CAMKMT: variants seen among roughly 807,000 people sequenced by gnomAD.
CAMKMT encodes calmodulin-lysine N-methyltransferase.
In CAMKMT, 53 loss-of-function variants were observed where a neutral mutation model predicts 48.0. That is an observed-to-expected ratio of 1.10 (90% confidence interval 0.89 to 1.39). The LOEUF (loss-of-function observed/expected upper bound fraction) is 1.39. CAMKMT is among the 40% of genes most tolerant of loss of function. The pLI, the probability that CAMKMT is intolerant of heterozygous loss-of-function variation, is 0.00. For synonymous variants in CAMKMT, 165 were observed against 152.3 expected (o/e 1.08, Z -0.61); for missense variants, 428 against 402.7 (o/e 1.06, Z -0.54).
In CAMKMT at chr2:44,388,528, T is replaced by G. The variant is rs568294466; in HGVS notation, c.312-1713T>G. Reference sequence around the variant, plus strand: ...AGGTAAATCAGGGATTTCTTCTTGGTCCGGATCCGTTGCTGGTTAACTAGT... The same window carrying G: ...AGGTAAATCAGGGATTTCTTCTTGGGCCGGATCCGTTGCTGGTTAACTAGT... On this transcript the variant is annotated intron_variant, in intron 2 of 10. Transcript: ENST00000378494. Among the ~76,000 whole-genome samples the G allele has an allele frequency of 3.7e-3, 565 of 152,294 alleles. 2 individuals are homozygous for G. Among genetic ancestry groups the G allele is most frequent in the African/African-American group, 0.013 (539 of 41,570 alleles).
At chr2:44,733,567 T>C (rs1193511063) in intron 7 of CAMKMT, among the ~76,000 whole-genome samples, 1 of 152,186 alleles carries the variant, frequency 6.6e-6, no homozygotes, top group Non-Finnish European at 1.5e-5. Context: ...TGATGTTAAC[T>C]ATAGGTTTTT....
intron 3 of CAMKMT, among the ~76,000 whole-genome samples, chr2:44,666,054 C>T (rs1674948601): frequency 6.6e-6 from 1 of 152,152 alleles, no homozygotes; most frequent in Non-Finnish European, 1.5e-5. Flanking sequence ...GATTTTAAAT[C>T]GTTTGCATTG....
At chr2:44,708,211 A>T (rs200564955) in intron 6 of CAMKMT, among the ~76,000 whole-genome samples, 37 of 68,188 alleles carry the variant, frequency 5.4e-4, no homozygotes, top group East Asian at 1.6e-3. Context: ...TTTGCTTTGG[A>T]TTTTTTTTTT....
intron 3 of CAMKMT, among the ~76,000 whole-genome samples, chr2:44,449,983 T>A (rs746959864): frequency 1.3e-5 from 2 of 152,284 alleles, no homozygotes; most frequent in Admixed American, 1.3e-4. Flanking sequence ...AAATCCATGA[T>A]AATCCAGAGA....
chr2:44,624,078 G>C (rs1395673645), intron 3 of CAMKMT, among the ~76,000 whole-genome samples: 1 of 152,100 alleles, frequency 6.6e-6, no homozygotes, highest in East Asian at 1.9e-4. Flanking sequence ...AAATTGGCAA[G>C]TGGGACCTAA....
chr2:44,516,441 G>A (rs1406224532), intron 3 of CAMKMT, among the ~76,000 whole-genome samples: 2 of 152,086 alleles, frequency 1.3e-5, no homozygotes, highest in Non-Finnish European at 2.9e-5. Context: ...TGTCTTTACT[G>A]CCTAGTGAAT....
intron 3 of CAMKMT, among the ~76,000 whole-genome samples, chr2:44,642,121 AT>A (rs958339208): frequency 2.0e-5 from 3 of 152,260 alleles, no homozygotes; most frequent in South Asian, 2.1e-4. Flanking sequence ...GCTATTTTAT[AT>A]TTTTTCTGCC....
intron 3 of CAMKMT, among the ~76,000 whole-genome samples, chr2:44,507,114 A>G (rs1449497708): frequency 1.3e-5 from 2 of 151,818 alleles, no homozygotes; most frequent in East Asian, 3.8e-4. Flanking sequence ...AGAAAGGAAT[A>G]GAAAAATTGA....
In CAMKMT at chr2:44,706,276, C is replaced by T. The variant is rs757590096; in HGVS notation, c.438-11C>T. 1.2e-6 allele frequency: 2 copies of T among 1,613,174 alleles called. No individual in the cohort carries two copies. The highest frequency in any genetic ancestry group is 2.7e-5 in the African/African-American group (2 of 74,974). On this transcript the variant is annotated splice_polypyrimidine_tract_variant and intron_variant, in intron 4 of 10. Transcript: ENST00000378494. ...TTGTATGGGTTCTACCATTTCTTTT[C>T]TCTCTTTCAGGGCCCTTGCTGTGTG...
At chr2:44,470,817 C>T (rs1449636784) in intron 3 of CAMKMT, among the ~76,000 whole-genome samples, 2 of 151,990 alleles carry the variant, frequency 1.3e-5, no homozygotes, top group Non-Finnish European at 2.9e-5. Flanking sequence ...ATGAGATTAA[C>T]CACTTTTCAT....
At chr2:44,628,629 C>G (rs1672631276) in intron 3 of CAMKMT, among the ~76,000 whole-genome samples, 1 of 151,848 alleles carries the variant, frequency 6.6e-6, no homozygotes, top group South Asian at 2.1e-4. Flanking sequence ...GATCCACCTG[C>G]CTCAGTCAAA....
At chr2:44,572,636 G>T (rs1668975801) in intron 3 of CAMKMT, among the ~76,000 whole-genome samples, 3 of 152,046 alleles carry the variant, frequency 2.0e-5, no homozygotes, top group Admixed American at 2.0e-4. Context: ...TTAATTTTTT[G>T]GGGTCTATCT....
At chr2:44,671,861 G>T (rs1402887485) in intron 3 of CAMKMT, among the ~76,000 whole-genome samples, 1 of 152,020 alleles carries the variant, frequency 6.6e-6, no homozygotes, top group Non-Finnish European at 1.5e-5. Flanking sequence ...CCAAGACAAA[G>T]GGCAGTTCCC....
In CAMKMT at chr2:44,567,499, T is replaced by C. The variant is rs537532049; in HGVS notation, c.377-136784T>C. Reference sequence around the variant, plus strand: ...TTGCTTCTCTCCCATGTCAATCCTTTGTAATAGAGTAAGGGAAAAGTACAT... The same window carrying C: ...TTGCTTCTCTCCCATGTCAATCCTTCGTAATAGAGTAAGGGAAAAGTACAT... On this transcript the variant is annotated intron_variant, in intron 3 of 10. Transcript: ENST00000378494. Among the ~76,000 whole-genome samples, 6 of 152,280 alleles carry C rather than the reference T, an allele frequency of 3.9e-5. No individual in the cohort carries two copies. The South Asian group carries it at 1.2e-3, about 32-fold the overall frequency.
chr2:44,532,119 G>A (rs1666517226), intron 3 of CAMKMT, among the ~76,000 whole-genome samples: 2 of 152,112 alleles, frequency 1.3e-5, no homozygotes, highest in Admixed American at 1.3e-4. Context: ...CTGGTATAGT[G>A]TCATTTTAAT....
rs1313449281 is a variant in CAMKMT, at chr2:44,589,730, C to A, written c.377-114553C>A. ...TGTCACCACTCCCTAATCTCAAGTA[C>A]CCAGGGACACAAACACTGCGGAAGG... On this transcript the variant is annotated intron_variant, in intron 3 of 10. Transcript: ENST00000378494. Among the ~76,000 whole-genome samples, 8 of 79,180 alleles carry A rather than the reference C, an allele frequency of 1.0e-4. 4 individuals carry two copies. In the Admixed American group the frequency reaches 1.2e-3, roughly 12 times the overall value. 51.9% of individuals were successfully genotyped at this position (79,180 alleles called of 152,430 possible).
intron 3 of CAMKMT, among the ~76,000 whole-genome samples, chr2:44,521,279 C>T (rs1030927984): frequency 3.9e-5 from 6 of 151,904 alleles, no homozygotes; most frequent in African/African-American, 1.5e-4. Flanking sequence ...GCACTATTAT[C>T]CCAATATTTT....
intron 3 of CAMKMT, among the ~76,000 whole-genome samples, chr2:44,500,232 A>G (rs569460346): frequency 8.5e-5 from 13 of 152,264 alleles, no homozygotes; most frequent in African/African-American, 2.9e-4. Context: ...GTTTTACACT[A>G]TCTACTGAAG....
chr2:44,727,841 C>G (rs187800569), intron 7 of CAMKMT, among the ~76,000 whole-genome samples: 3 of 152,282 alleles, frequency 2.0e-5, no homozygotes, highest in African/African-American at 7.2e-5. Context: ...TTATCAGAAA[C>G]TTTTTCTGCA....
Sources: gnomAD v4.1 joint callset for allele counts (sites outside exome capture counted in the v4.1 genomes callset) on GRCh38, gnomAD v4.1.1 for gene constraint, MANE v1.5 for transcripts, NCBI Gene and HGNC (gene_info 2026-07-23, HGNC 2026-07-21) for gene names.